Variants in PIK3CB observed in about 807,000 individuals in gnomAD.
The protein encoded by PIK3CB is phosphatidylinositol 4,5-bisphosphate 3-kinase catalytic subunit beta isoform.
Under a neutral mutation model 136.8 loss-of-function variants are expected in PIK3CB, and 39 were observed. The ratio of observed to expected loss-of-function variants is 0.29; its 90% CI spans 0.22 to 0.37. The LOEUF is 0.37. PIK3CB is among the 10% of genes least tolerant of loss of function. The probability of loss-of-function intolerance (pLI) is 1.00; values close to 1 mark genes in which losing one functional copy is unlikely to be tolerated. For missense variants in PIK3CB, 868 were observed against 1,275.4 expected, an observed-to-expected ratio of 0.68 and a Z score of 4.87; for synonymous variants, 428 against 436.6, an observed-to-expected ratio of 0.98 and a Z score of 0.25.
chr3:138,744,864 T>C (rs974727582), intron 4 of PIK3CB, among the ~76,000 whole-genome samples: 1 of 152,250 alleles, frequency 6.6e-6, no homozygotes, highest in African/African-American at 2.4e-5. Context: ...AGTTGTTTTC[T>C]GTTAATTCCT....
At chr3:138,824,791 G>A (rs1449150167) in intron 1 of PIK3CB, among the ~76,000 whole-genome samples, 2 of 150,232 alleles carry the variant, frequency 1.3e-5, no homozygotes. Flanking sequence ...ACTCACACCT[G>A]TAATCTCAGC....
At position 138,657,876 on chromosome 3, in the gene PIK3CB, T is replaced by C. The variant is rs185874238; in HGVS notation, c.2797-41A>G. 309 of 1,591,742 alleles carry C rather than the reference T, an allele frequency of 1.9e-4. 1 individual carries two copies. Among genetic ancestry groups the C allele is most frequent in the Admixed American group, 1.9e-3 (106 of 56,710 alleles). On this transcript the variant is annotated intron_variant, in intron 21 of 23. Transcript: ENST00000674063. ...GATTTAATTTCCTTCATTTTTCTGG[T>C]GGGTTCCAAATATAAAGGCAAAACC...
intron 1 of PIK3CB, among the ~76,000 whole-genome samples, chr3:138,803,703 T>C (rs2046201002): frequency 6.6e-6 from 1 of 152,172 alleles, no homozygotes; most frequent in African/African-American, 2.4e-5. Flanking sequence ...GAAAATTCTA[T>C]GCTGAGTTTT....
chr3:138,684,956 A>G, intron 16 of PIK3CB, 153 bp from the exon 17 acceptor site: 1 of 520,166 alleles, frequency 1.9e-6, no homozygotes, highest in Non-Finnish European at 3.3e-6. Flanking sequence ...CTGACTTACG[A>G]AAAGCATTTT....
At chr3:138,752,934 G>C (rs886171037) in intron 4 of PIK3CB, among the ~76,000 whole-genome samples, 2 of 152,182 alleles carry the variant, frequency 1.3e-5, no homozygotes, top group Admixed American at 6.5e-5. Flanking sequence ...CATAGGAAGA[G>C]GTAATGGTGG....
At chr3:138,751,083 C>T (rs1278503315) in intron 4 of PIK3CB, among the ~76,000 whole-genome samples, 1 of 152,194 alleles carries the variant, frequency 6.6e-6, no homozygotes, top group Non-Finnish European at 1.5e-5. Flanking sequence ...TCCAGACACA[C>T]TGAATCCCAA....
At chr3:138,670,804 T>C (rs2043517412) in intron 19 of PIK3CB, among the ~76,000 whole-genome samples, 3 of 152,228 alleles carry the variant, frequency 2.0e-5, no homozygotes, top group Admixed American at 2.0e-4. Context: ...GAAAAAAATC[T>C]GTCACCTGTA....
chr3:138,747,052 CTTTATATATATATA>C, intron 4 of PIK3CB, among the ~76,000 whole-genome samples: 1 of 75,168 alleles, frequency 1.3e-5, no homozygotes, highest in African/African-American at 5.1e-5. Context: ...GCTATTCAGC[CTTTATATATATATA>C]TATATATATA....
At chr3:138,739,464 AAAAT>A (rs1412789679) in intron 5 of PIK3CB, among the ~76,000 whole-genome samples, 1 of 151,500 alleles carries the variant, frequency 6.6e-6, no homozygotes, top group Non-Finnish European at 1.5e-5. Flanking sequence ...AAAATAAAAT[AAAAT>A]AAATAAAAAA....
chr3:138,656,189 C>T lies in PIK3CB; in HGVS notation c.3028G>A (p.Ala1010Thr), dbSNP rs2108385808. 6.2e-7 allele frequency: 1 copy of T among 1,614,030 alleles called. No homozygotes were observed. The highest frequency in any genetic ancestry group is 1.1e-5 in the South Asian group (1 of 91,074). ...FITLFALMLT[A>T]GLPELTSVKD... The stretch of plus-strand genomic sequence containing the variant: ...ACTGATGTGAGTTCAGGAAGCCCTG[C>T]AGTCAACATCAGCGCAAAGAGAGTG... Residue 1010 changes from alanine to threonine, a missense_variant, in exon 23 of 24, where the codon GCA (alanine) becomes ACA (threonine). Coordinates refer to ENST00000674063, the MANE Select transcript of PIK3CB (RefSeq NM_006219.3).
intron 1 of PIK3CB, among the ~76,000 whole-genome samples, chr3:138,816,981 G>A (rs1013573249): frequency 2.0e-5 from 3 of 148,872 alleles, no homozygotes; most frequent in Non-Finnish European, 4.5e-5. Context: ...CAGGTGGATC[G>A]CTGGAGGTCG....
chr3:138,745,129 G>T (rs901545847), intron 4 of PIK3CB, among the ~76,000 whole-genome samples: 6 of 152,150 alleles, frequency 3.9e-5, no homozygotes, highest in Non-Finnish European at 8.8e-5. Flanking sequence ...AATACTCCCA[G>T]ACTTTCATGA....
intron 1 of PIK3CB, among the ~76,000 whole-genome samples, chr3:138,826,694 C>A (rs1397898922): frequency 6.6e-6 from 1 of 151,732 alleles, no homozygotes; most frequent in Non-Finnish European, 1.5e-5. Context: ...CATACACATA[C>A]ATTCTTACAA....
At chr3:138,740,660 C>G (rs2045225054) in intron 5 of PIK3CB, among the ~76,000 whole-genome samples, 1 of 148,464 alleles carries the variant, frequency 6.7e-6, no homozygotes, top group Non-Finnish European at 1.5e-5. Context: ...AATATTGTAC[C>G]TTTTTTTTTT....
At chr3:138,732,830 C>A (rs1205324947) in intron 8 of PIK3CB, among the ~76,000 whole-genome samples, 2 of 150,854 alleles carry the variant, frequency 1.3e-5, no homozygotes, top group Non-Finnish European at 3.0e-5. Context: ...TTTGGCTTAA[C>A]TTTCACTTGC....
intron 1 of PIK3CB, among the ~76,000 whole-genome samples, chr3:138,819,558 G>T (rs1933469457): frequency 1.3e-5 from 2 of 152,140 alleles, no homozygotes; most frequent in Admixed American, 6.6e-5. Context: ...TTAGGCAATG[G>T]TTTCAACCTG....
intron 8 of PIK3CB, among the ~76,000 whole-genome samples, chr3:138,718,851 C>T (rs1215559884): frequency 6.6e-6 from 1 of 152,104 alleles, no homozygotes; most frequent in Non-Finnish European, 1.5e-5. Context: ...ATCAGATGGT[C>T]GTAGGTGTGC....
chr3:138,748,998 T>C (rs2045418118), intron 4 of PIK3CB, among the ~76,000 whole-genome samples: 1 of 152,130 alleles, frequency 6.6e-6, no homozygotes, highest in Admixed American at 6.6e-5. Context: ...TGGTATTAAA[T>C]ATAGAAAAAT....
At chr3:138,787,307 A>G (rs984818405) in intron 2 of PIK3CB, among the ~76,000 whole-genome samples, 1 of 151,108 alleles carries the variant, frequency 6.6e-6, no homozygotes, top group Non-Finnish European at 1.5e-5. Context: ...CAGATGCTCC[A>G]GTGAGCCGAG....
Sources: gnomAD v4.1 joint callset for allele counts (sites outside exome capture counted in the v4.1 genomes callset) on GRCh38, gnomAD v4.1.1 for gene constraint, MANE v1.5 for transcripts, NCBI Gene and HGNC (gene_info 2026-07-23, HGNC 2026-07-21) for gene names.